Variants in STKLD1 observed in about 807,000 individuals in gnomAD.
The protein encoded by STKLD1 is serine/threonine kinase-like domain-containing protein STKLD1.
STKLD1 carries 79 observed loss-of-function variants against 80.4 expected under a neutral mutation model. The observed-to-expected ratio is 0.98, with a 90% CI of 0.82 to 1.19. STKLD1 has a LOEUF of 1.19. STKLD1 is among the 50% of genes most tolerant of loss of function. The pLI, the probability that STKLD1 is intolerant of heterozygous loss-of-function variation, is 0.00. For synonymous variants in STKLD1, 393 were observed against 357.6 expected, an observed-to-expected ratio of 1.10 and a Z score of -1.12; for missense variants, 841 against 856.0, an observed-to-expected ratio of 0.98 and a Z score of 0.22.
chr9:133,397,110 G>T (rs1838581541), intron 9 of STKLD1, 54 bp from the exon 10 acceptor site: 1 of 1,609,186 alleles, frequency 6.2e-7, no homozygotes, highest in South Asian at 1.1e-5. Context: ...AGCCCCACGG[G>T]GAGGTGGCAG....
chr9:133,381,119 C>T (rs1258690648), intron 2 of STKLD1, among the ~76,000 whole-genome samples: 1 of 145,152 alleles, frequency 6.9e-6, no homozygotes, highest in African/African-American at 2.5e-5. Flanking sequence ...ATTTCTGGGT[C>T]ATACGATGTA....
In STKLD1 at chr9:133,405,286, G is replaced by A. The variant is rs1554778508; in HGVS notation, c.1908G>A (p.Met636Ile). Reference sequence around the variant, plus strand: ...TGCCGGAGCTGGTGTCCAGTAGTATGAAGGCCCTGCTCCAGGAGATCAAGG... The same window carrying A: ...TGCCGGAGCTGGTGTCCAGTAGTATAAAGGCCCTGCTCCAGGAGATCAAGG... ...EILPELVSSS[M>I]KALLQEIKER... Residue 636 changes from methionine to isoleucine, a missense_variant, in exon 18 of 18, where the codon ATG becomes ATA. Transcript: ENST00000371957. The A allele has an allele frequency of 6.2e-7, 1 of 1,612,596 alleles. No homozygotes were observed. The highest frequency in any genetic ancestry group is 2.2e-5 in the East Asian group (1 of 44,870).
chr9:133,401,951 G>A, intron 13 of STKLD1, 73 bp downstream of exon 13: 1 of 1,577,906 alleles, frequency 6.3e-7, no homozygotes. Flanking sequence ...GGAAGGGTTG[G>A]TTTGGGGTAT....
chr9:133,398,962 C>T (rs975993304), intron 11 of STKLD1, among the ~76,000 whole-genome samples: 1 of 152,150 alleles, frequency 6.6e-6, no homozygotes, highest in Middle Eastern at 3.2e-3. Flanking sequence ...AAGTGATTCT[C>T]CTGCTTCAGC....
chr9:133,398,301 C>A (rs587600336), intron 11 of STKLD1, among the ~76,000 whole-genome samples: 1 of 152,326 alleles, frequency 6.6e-6, no homozygotes, highest in Admixed American at 6.5e-5. Context: ...CCACAGACAT[C>A]CCATCTTCCC....
chr9:133,404,988 C>G, intron 17 of STKLD1, 59 bp downstream of exon 17: 7 of 1,579,444 alleles, frequency 4.4e-6, no homozygotes, highest in Non-Finnish European at 6.0e-6. Flanking sequence ...GTGCCCCGCT[C>G]CCCCTATAAC....
In STKLD1 at chr9:133,389,557, A is replaced by G. The variant is rs2130284376; in HGVS notation, c.428A>G (p.Asp143Gly). ...CAGAATGTGCTGGGCCAGGTGCTGG[A>G]CGCGCTGGAATACCTGCACCATTTG... ...WMQNVLGQVL[D>G]ALEYLHHLDI... The change falls in exon 6 of 18, where the codon GAC becomes GGC. Residue 143 changes from aspartate (D) to glycine (G), a missense_variant. Transcript: ENST00000371957. The surrounding 1 kb of genome is among the most constrained non-coding windows in gnomAD (Gnocchi z 6.4). 17 of 1,613,326 alleles carry G rather than the reference A, an allele frequency of 1.1e-5. No homozygotes were observed. The highest frequency in any genetic ancestry group is 1.3e-5 in the Non-Finnish European group (15 of 1,179,930).
chr9:133,401,690 G>A (rs909630657), intron 12 of STKLD1, 48 bp from the exon 13 acceptor site: 2 of 1,583,272 alleles, frequency 1.3e-6, no homozygotes, highest in African/African-American at 1.3e-5. Flanking sequence ...CTGGCCCCAT[G>A]CCTGAGCTGT....
chr9:133,399,168 T>C (rs1004663034), intron 11 of STKLD1, among the ~76,000 whole-genome samples: 9 of 152,232 alleles, frequency 5.9e-5, no homozygotes, highest in South Asian at 4.1e-4. Context: ...TTTAAAACAT[T>C]TGTGCCAAAA....
intron 7 of STKLD1, among the ~76,000 whole-genome samples, chr9:133,391,418 A>G (rs2130289525): frequency 2.0e-5 from 3 of 151,448 alleles, no homozygotes; most frequent in Admixed American, 2.0e-4. Context: ...TTTGTGGAAT[A>G]GAAAAGGGGG....
intron 14 of STKLD1, 22 bp downstream of exon 14, chr9:133,403,034 G>C (rs781991652): frequency 7.3e-5 from 113 of 1,547,252 alleles, no homozygotes; most frequent in Non-Finnish European, 9.7e-5. Flanking sequence ...TCCTCCTGCT[G>C]TCCCACCGGG....
intron 16 of STKLD1, 147 bp downstream of exon 16, chr9:133,404,195 T>C (rs1172542274): frequency 9.5e-7 from 1 of 1,057,022 alleles, no homozygotes; most frequent in South Asian, 1.7e-5. Context: ...TGAAGTCCAG[T>C]CATCCAGAAA....
intron 5 of STKLD1, 110 bp downstream of exon 5, chr9:133,387,658 T>G: frequency 1.2e-6 from 1 of 838,514 alleles, no homozygotes; most frequent in South Asian, 1.4e-5. Context: ...AGTCCAGCCT[T>G]GTTTTTTTCT....
chr9:133,400,631 G>A, intron 12 of STKLD1, 102 bp downstream of exon 12: 1 of 937,870 alleles, frequency 1.1e-6, no homozygotes, highest in South Asian at 1.4e-5. Flanking sequence ...GTGGGTTAGG[G>A]GAAGCCATGC....
chr9:133,392,673 G>A (rs1165198226), intron 7 of STKLD1, among the ~76,000 whole-genome samples: 3 of 131,722 alleles, frequency 2.3e-5, no homozygotes, highest in Non-Finnish European at 4.8e-5. Context: ...GTGGGTGGGT[G>A]AGTGGATGGG....
intron 11 of STKLD1, among the ~76,000 whole-genome samples, chr9:133,400,019 C>G (rs1838657943): frequency 6.6e-6 from 1 of 152,212 alleles, no homozygotes; most frequent in Non-Finnish European, 1.5e-5. Flanking sequence ...CAGCCCACAA[C>G]AGTTTCTGGC....
chr9:133,395,192 C>T (rs1284045762), intron 8 of STKLD1, among the ~76,000 whole-genome samples: 1 of 152,172 alleles, frequency 6.6e-6, no homozygotes, highest in African/African-American at 2.4e-5. Context: ...TTGCCACTCC[C>T]TTCCTTTGAA....
intron 2 of STKLD1, among the ~76,000 whole-genome samples, chr9:133,380,673 A>T (rs2130264218): frequency 3.2e-4 from 48 of 152,244 alleles, no homozygotes; most frequent in Non-Finnish European, 6.3e-4. Flanking sequence ...TTAATTAATT[A>T]AATTAAAAAT....
chr9:133,386,298 A>C (rs181740108), intron 4 of STKLD1, among the ~76,000 whole-genome samples: 120 of 152,358 alleles, frequency 7.9e-4, no homozygotes, highest in African/African-American at 2.8e-3. Context: ...CCCAGCTAGT[A>C]CGTGGCCAAG....
Sources: allele counts gnomAD v4.1 joint callset (sites outside exome capture counted in the v4.1 genomes callset), GRCh38; gene constraint gnomAD v4.1.1; non-coding constraint Gnocchi (gnomAD v3.1); transcripts MANE v1.5; gene names NCBI Gene and HGNC (gene_info 2026-07-23, HGNC 2026-07-21).